The following CDIN1 variants were observed in gnomAD, a reference collection of about 807,000 sequenced individuals.
CDIN1 encodes CDAN1 interacting nuclease 1.
Under a neutral mutation model 45.3 loss-of-function variants are expected in CDIN1, and 33 were observed. The ratio of observed to expected loss-of-function variants is 0.73; its 90% confidence interval spans 0.55 to 0.97. The LOEUF is 0.97. Ranked by LOEUF, CDIN1 falls within the 50% of genes least tolerant of loss-of-function variation. CDIN1 has a pLI of 0.00. For synonymous variants in CDIN1, 118 were observed against 124.4 expected (o/e 0.95, Z 0.34); for missense variants, 303 against 339.4 (o/e 0.89, Z 0.84).
At chr15:36,727,158 T>A (rs552202693) in intron 10 of CDIN1, among the ~76,000 whole-genome samples, 1 of 152,228 alleles carries the variant, frequency 6.6e-6, no homozygotes, top group African/African-American at 2.4e-5. Context: ...CTGAAGCATT[T>A]TTGTCACTAA....
chr15:36,621,872 G>GTTTTGTTT (rs2039210276), intron 1 of CDIN1, among the ~76,000 whole-genome samples: 1 of 142,388 alleles, frequency 7.0e-6, no homozygotes, highest in African/African-American at 2.6e-5. Flanking sequence ...AACAAGTTCA[G>GTTTTGTTT]TTTTTTTTTT....
At chr15:36,707,422 G>A (rs1244390541) in intron 8 of CDIN1, 1 of 152,150 alleles carries the variant, frequency 6.6e-6, no homozygotes, top group Non-Finnish European at 1.5e-5. Flanking sequence ...GATGTTTTGT[G>A]TTTAAGTTTT....
rs185344673 is a variant in CDIN1, at chr15:36,608,217, T to C, written c.101+28256T>C. Among the ~76,000 whole-genome samples, 15 of 152,334 alleles carry C rather than the reference T, an allele frequency of 9.8e-5. No individual in the cohort carries two copies. In the East Asian group the frequency reaches 2.7e-3, roughly 27 times the overall value. Reference sequence around the variant, plus strand: ...GATACCTTGGAGCAGAATTTCTGGGTCATATGGTTTAACATTTTGAGGAAC... The same window carrying C: ...GATACCTTGGAGCAGAATTTCTGGGCCATATGGTTTAACATTTTGAGGAAC... On this transcript the variant is annotated intron_variant, in intron 1 of 10. Transcript: ENST00000566621.
chr15:36,753,687 T>C (rs1187710908), intron 10 of CDIN1, among the ~76,000 whole-genome samples: 2 of 151,992 alleles, frequency 1.3e-5, no homozygotes, highest in Non-Finnish European at 2.9e-5. Flanking sequence ...AAGGCACCTG[T>C]GTTCTCTAAG....
intron 5 of CDIN1, chr15:36,658,124 C>G: frequency 2.3e-6 from 1 of 440,118 alleles, no homozygotes; most frequent in Admixed American, 3.9e-5. Context: ...TCAACCTCTC[C>G]ATTGAGCTAA....
chr15:36,715,832 A>T (rs970172754), intron 10 of CDIN1, among the ~76,000 whole-genome samples: 3 of 152,192 alleles, frequency 2.0e-5, no homozygotes, highest in South Asian at 2.1e-4. Flanking sequence ...TTTTATCAGG[A>T]TGAGGGAAGT....
At chr15:36,696,701 C>T (rs1376499514) in intron 7 of CDIN1, among the ~76,000 whole-genome samples, 1 of 152,100 alleles carries the variant, frequency 6.6e-6, no homozygotes. Context: ...CCACCTTGCC[C>T]AGCTGAATTG....
At chr15:36,583,872 T>C (rs1459890134) in intron 1 of CDIN1, among the ~76,000 whole-genome samples, 1 of 151,960 alleles carries the variant, frequency 6.6e-6, no homozygotes, top group Admixed American at 6.6e-5. Flanking sequence ...GAAAATTAGC[T>C]GGGCACGGTG....
intron 10 of CDIN1, among the ~76,000 whole-genome samples, chr15:36,768,054 C>G (rs542733008): frequency 6.6e-6 from 1 of 152,256 alleles, no homozygotes; most frequent in East Asian, 1.9e-4. Context: ...CTCCTGTTAC[C>G]TGCCCTTAAC....
chr15:36,620,360 A>T (rs1941842275), intron 1 of CDIN1, among the ~76,000 whole-genome samples: 1 of 152,174 alleles, frequency 6.6e-6, no homozygotes, highest in Non-Finnish European at 1.5e-5. Flanking sequence ...CAAAAAAAAT[A>T]AAAATAAAAT....
At chr15:36,716,913 G>A (rs879529973) in intron 10 of CDIN1, among the ~76,000 whole-genome samples, 10 of 152,172 alleles carry the variant, frequency 6.6e-5, no homozygotes, top group Non-Finnish European at 7.4e-5. Flanking sequence ...GCAGTAAACT[G>A]CAGAGGCAGC....
chr15:36,619,607 T>G (rs541766982), intron 1 of CDIN1, among the ~76,000 whole-genome samples: 1 of 152,206 alleles, frequency 6.6e-6, no homozygotes, highest in South Asian at 2.1e-4. Context: ...GGAATCAATT[T>G]TGAGGGTTCA....
At chr15:36,726,453 A>G (rs2043628094) in intron 10 of CDIN1, among the ~76,000 whole-genome samples, 1 of 151,956 alleles carries the variant, frequency 6.6e-6, no homozygotes, top group South Asian at 2.1e-4. Flanking sequence ...CACACACTCC[A>G]CTGTGCCAAG....
chr15:36,631,957 A>G (rs1246053719), intron 1 of CDIN1, among the ~76,000 whole-genome samples: 2 of 151,960 alleles, frequency 1.3e-5, no homozygotes, highest in Admixed American at 6.6e-5. Context: ...CAGCCTCCCA[A>G]TTAGCTGGGA....
chr15:36,791,796 G>A (rs11639348), intron 10 of CDIN1, among the ~76,000 whole-genome samples: 130,685 of 152,056 alleles, frequency 0.86, 59,697 homozygotes, highest in Non-Finnish European at 1. Flanking sequence ...GAGTTGGGTG[G>A]GGTTTTCTCT....
At chr15:36,703,328 CAGAT>C (rs1242469467) in intron 8 of CDIN1, among the ~76,000 whole-genome samples, 3 of 116,772 alleles carry the variant, frequency 2.6e-5, no homozygotes, top group Non-Finnish European at 5.2e-5. Flanking sequence ...ATACATATAT[CAGAT>C]AGATCTATCA....
At chr15:36,626,284 A>G (rs1230422005) in intron 1 of CDIN1, among the ~76,000 whole-genome samples, 1 of 151,998 alleles carries the variant, frequency 6.6e-6, no homozygotes, top group African/African-American at 2.4e-5. Context: ...CTTAAAATTC[A>G]AAGTAAGGAT....
intron 5 of CDIN1, among the ~76,000 whole-genome samples, chr15:36,681,417 A>G (rs1264381892): frequency 1.3e-5 from 2 of 152,132 alleles, no homozygotes; most frequent in African/African-American, 4.8e-5. Context: ...ACACTTTGTG[A>G]GAGTAGGAGA....
Position 36,809,618 on chromosome 15 carries a change from C to T in CDIN1, c.*1165C>T, listed in dbSNP as rs561910535. The T allele has an allele frequency of 3.3e-5, 5 of 152,158 alleles. No homozygotes were observed. Among genetic ancestry groups the T allele is most frequent in the South Asian group, 2.1e-4 (1 of 4,818 alleles). The allele number at this position is 152,158 out of a possible 1,614,324, so 9.4% of individuals were successfully genotyped here. ...GTTGAATATTAATCTGTACCCAAAA[C>T]GTATTTAGTAAAATATTTGCCCCCG... On this transcript the variant is annotated 3_prime_UTR_variant, in exon 11 of 11. Coordinates refer to ENST00000566621, the MANE Select transcript of CDIN1 (RefSeq NM_001321759.2).
Sources: gnomAD v4.1 joint callset for allele counts (sites outside exome capture counted in the v4.1 genomes callset) on GRCh38, gnomAD v4.1.1 for gene constraint, MANE v1.5 for transcripts, NCBI Gene and HGNC (gene_info 2026-07-23, HGNC 2026-07-21) for gene names.